SLF1: variants seen among roughly 807,000 people sequenced by gnomAD.
SLF1 encodes the protein SMC5-SMC6 complex localization factor protein 1.
Under a neutral mutation model 123.0 loss-of-function variants are expected in SLF1, and 105 were observed. That is an observed-to-expected ratio of 0.85 (90% CI 0.73 to 1.00). SLF1 has a LOEUF of 1.00. Ranked by LOEUF, SLF1 falls within the 50% of genes least tolerant of loss-of-function variation. The pLI, the probability that SLF1 is intolerant of heterozygous loss-of-function variation, is 0.00. For missense variants in SLF1, 1,239 were observed against 1,223.0 expected (o/e 1.01, Z -0.20); for synonymous variants, 434 against 406.6 (o/e 1.07, Z -0.81).
At chr5:94,654,308 G>T (rs1383704486) in intron 8 of SLF1, among the ~76,000 whole-genome samples, 1 of 150,696 alleles carries the variant, frequency 6.6e-6, no homozygotes, top group Non-Finnish European at 1.5e-5. Flanking sequence ...CAAAAAAGCA[G>T]TTCCAGGAAC....
intron 13 of SLF1, 64 bp from the exon 14 acceptor site, chr5:94,670,779 A>T: frequency 8.4e-7 from 1 of 1,190,350 alleles, no homozygotes; most frequent in Non-Finnish European, 1.2e-6. Context: ...GACAGGAGAG[A>T]TGTCAAGTAA....
chr5:94,653,389 A>G lies in SLF1; in HGVS notation c.1000A>G (p.Thr334Ala). Residue 334 changes from threonine (T) to alanine (A), a missense_variant, in exon 8 of 21, where the codon ACC (threonine) becomes GCC (alanine). By Grantham distance (58) the Thr-to-Ala change is moderately conservative (BLOSUM62 0). Transcript: ENST00000265140. ...KGVEHEKIKS[T>A]LRRHIYNRDQ... is the part of the protein sequence containing the mutation. ...CGTTGAACATGAAAAAATAAAAAGTACCTTAAGAAGGCACATATATAATAG... is the reference window on the plus strand; with the variant it reads ...CGTTGAACATGAAAAAATAAAAAGTGCCTTAAGAAGGCACATATATAATAG... The G allele has an allele frequency of 6.6e-7, 1 of 1,523,866 alleles. No individual in the cohort carries two copies. The highest frequency in any genetic ancestry group is 1.3e-5 in the South Asian group (1 of 78,562). The allele number at this position is 1,523,866 out of a possible 1,614,324, so 94.4% of individuals were successfully genotyped here.
At chr5:94,635,115 C>T (rs141373750) in intron 4 of SLF1, among the ~76,000 whole-genome samples, 14 of 150,492 alleles carry the variant, frequency 9.3e-5, no homozygotes, top group African/African-American at 3.4e-4. Context: ...ATTGCCCAGA[C>T]TAATGTCCTG....
chr5:94,654,390 A>G (rs1305315998), intron 8 of SLF1, among the ~76,000 whole-genome samples: 1 of 143,986 alleles, frequency 6.9e-6, no homozygotes, highest in Non-Finnish European at 1.5e-5. Flanking sequence ...AAAAAGAGTA[A>G]AAAGAAAAAA....
intron 9 of SLF1, among the ~76,000 whole-genome samples, chr5:94,658,691 G>A (rs1459646156): frequency 1.3e-5 from 2 of 152,082 alleles, no homozygotes; most frequent in Non-Finnish European, 2.9e-5. Flanking sequence ...CAACACTTGG[G>A]ACGTTTTCAG....
chr5:94,683,194 T>C (rs938562908), intron 15 of SLF1, among the ~76,000 whole-genome samples: 3 of 152,234 alleles, frequency 2.0e-5, no homozygotes, highest in African/African-American at 7.2e-5. Context: ...TCCAAACCTT[T>C]ATTCACTTTT....
chr5:94,631,089 T>C lies in SLF1; in HGVS notation c.431+346T>C, dbSNP rs527558105. Among the ~76,000 whole-genome samples, 117 of 152,338 alleles carry C rather than the reference T, an allele frequency of 7.7e-4. 1 individual carries two copies. Among genetic ancestry groups the C allele is most frequent in the Non-Finnish European group, 1.5e-3 (101 of 68,026 alleles). ...TGGTATTATCACAAAAGCATCATTCTGGGTTTATGTAGTGCTGTCTTCATT... is the reference window on the plus strand; with the variant it reads ...TGGTATTATCACAAAAGCATCATTCCGGGTTTATGTAGTGCTGTCTTCATT... On this transcript the variant is annotated intron_variant, in intron 4 of 20. Coordinates refer to ENST00000265140, the MANE Select transcript of SLF1 (RefSeq NM_032290.4).
chr5:94,671,976 T>G (rs1432997159), intron 14 of SLF1, among the ~76,000 whole-genome samples: 1 of 152,118 alleles, frequency 6.6e-6, no homozygotes, highest in Non-Finnish European at 1.5e-5. Flanking sequence ...ATGCAATTTC[T>G]GCTATCTGAA....
intron 4 of SLF1, 137 bp from the exon 5 acceptor site, chr5:94,643,136 T>A: frequency 3.5e-6 from 2 of 571,918 alleles, no homozygotes; most frequent in Non-Finnish European, 6.0e-6. Flanking sequence ...GTGTTCTCTG[T>A]GATCCTCAAT....
intron 7 of SLF1, among the ~76,000 whole-genome samples, chr5:94,652,113 T>G (rs1467439847): frequency 6.6e-6 from 1 of 151,952 alleles, no homozygotes; most frequent in African/African-American, 2.4e-5. Flanking sequence ...GTTCAAGCAA[T>G]TCTCCTGCCT....
chr5:94,648,586 A>G lies in SLF1; in HGVS notation c.595-868A>G, dbSNP rs188601130. 3.8e-3 allele frequency among the ~76,000 whole-genome samples: 585 copies of G among 152,254 alleles called. 2 individuals are homozygous for G. In the Middle Eastern group the frequency reaches 0.048, roughly 12 times the overall value. On this transcript the variant is annotated intron_variant, in intron 5 of 20. Coordinates refer to ENST00000265140, the MANE Select transcript of SLF1 (RefSeq NM_032290.4). ...AGCCTCCGCCTCCCAAGTTCAAGCA[A>G]TTCTCCTGCCTCGGCCTCCCGAGTA...
chr5:94,671,190 C>T (rs1350128197), intron 14 of SLF1, among the ~76,000 whole-genome samples, 182 bp downstream of exon 14: 7 of 151,796 alleles, frequency 4.6e-5, no homozygotes, highest in Admixed American at 3.9e-4. Flanking sequence ...GTTCCTTCAT[C>T]GTCTCATGTT....
intron 4 of SLF1, among the ~76,000 whole-genome samples, chr5:94,635,337 C>CTTTTTTTTTTTTTTTTTTTTT (rs34524874): frequency 9.1e-5 from 4 of 43,904 alleles, no homozygotes; most frequent in Non-Finnish European, 1.3e-4. Context: ...ACATACTCGG[C>CTTTTTTTTTTTTTTTTTTTTT]TTTTTTTTTT....
At position 94,648,399 on chromosome 5, in the gene SLF1, A is replaced by G. The variant is rs546125467; in HGVS notation, c.595-1055A>G. Among the ~76,000 whole-genome samples, 5 of 152,298 alleles carry G rather than the reference A, an allele frequency of 3.3e-5. No homozygotes were observed. In the East Asian group the frequency reaches 9.7e-4, roughly 29 times the overall value. ...AACTAAAGATCACGTTAAAGGCCTT[A>G]ACACGTTTTGTTTTTTTTATAATTG... On this transcript the variant is annotated intron_variant, in intron 5 of 20. Transcript: ENST00000265140.
chr5:94,643,498 C>T (rs2152474553), intron 5 of SLF1, 63 bp downstream of exon 5: 2 of 1,136,122 alleles, frequency 1.8e-6, no homozygotes, highest in Non-Finnish European at 2.4e-6. Context: ...AAAATACCAA[C>T]ATAGTAAAAT....
chr5:94,681,894 T>C (rs1284126068), intron 15 of SLF1, among the ~76,000 whole-genome samples: 2 of 152,226 alleles, frequency 1.3e-5, no homozygotes, highest in Admixed American at 6.5e-5. Flanking sequence ...CATAAACCAG[T>C]AGCCTCCAGC....
chr5:94,673,942 C>T (rs1585203275), intron 14 of SLF1, among the ~76,000 whole-genome samples: 1 of 151,806 alleles, frequency 6.6e-6, no homozygotes, highest in South Asian at 2.1e-4. Flanking sequence ...GGTGAGTAGA[C>T]ACTGTTTTGT....
intron 9 of SLF1, among the ~76,000 whole-genome samples, chr5:94,661,531 G>GT (rs1057407408): frequency 2.0e-5 from 3 of 149,052 alleles, no homozygotes; most frequent in African/African-American, 5.0e-5. Flanking sequence ...AGGGTTTTTT[G>GT]TTTTTTTGTT....
intron 12 of SLF1, among the ~76,000 whole-genome samples, chr5:94,667,824 C>T (rs1749981175): frequency 6.6e-6 from 1 of 152,216 alleles, no homozygotes; most frequent in Non-Finnish European, 1.5e-5. Context: ...TCACGGCTCA[C>T]TGCAGCCTGA....
Sources: gnomAD v4.1 joint callset for allele counts (sites outside exome capture counted in the v4.1 genomes callset) on GRCh38, gnomAD v4.1.1 for gene constraint, MANE v1.5 for transcripts, NCBI Gene and HGNC (gene_info 2026-07-23, HGNC 2026-07-21) for gene names.